Variants in TBCE observed in about 807,000 individuals in gnomAD.
TBCE encodes the protein tubulin folding cofactor E.
TBCE carries 53 observed loss-of-function variants against 77.0 expected under a neutral mutation model. The ratio of observed to expected loss-of-function variants is 0.69; its 90% CI spans 0.55 to 0.87. The LOEUF (loss-of-function observed/expected upper bound fraction) is 0.87. Ranked by LOEUF, TBCE falls within the 40% of genes least tolerant of loss-of-function variation. The pLI is 0.00. For synonymous variants in TBCE, 235 were observed against 241.3 expected (o/e 0.97, Z 0.24); for missense variants, 624 against 622.4 (o/e 1.00, Z -0.03).
rs189677991 is a variant in TBCE at position 235,442,056 on chromosome 1, G to C, written c.1339+174G>C. On this transcript the variant is annotated intron_variant, in intron 14 of 16. Transcript: ENST00000642610. ...AGAGTCTCCCTCTGTCTCCCAGGCT[G>C]GAGTGCAGTGGTGTGATCTCAGCTC... 3.0e-3 allele frequency among the ~76,000 whole-genome samples: 447 copies of C among 149,602 alleles called. 1 individual carries two copies. The highest frequency in any genetic ancestry group is 9.7e-3 in the African/African-American group (391 of 40,516).
intron 1 of TBCE, among the ~76,000 whole-genome samples, chr1:235,371,408 C>T (rs1336735916): frequency 2.0e-5 from 3 of 148,002 alleles, no homozygotes; most frequent in African/African-American, 5.0e-5. Context: ...CAGGGTCTCC[C>T]TCTGTCACCC....
At chr1:235,410,961 T>C (rs951933954) in intron 3 of TBCE, among the ~76,000 whole-genome samples, 10 of 152,218 alleles carry the variant, frequency 6.6e-5, no homozygotes, top group Non-Finnish European at 1.2e-4. Context: ...AGTAAGCTTA[T>C]CCTGCATTCC....
intron 13 of TBCE, 58 bp from the exon 14 acceptor site, chr1:235,441,756 T>G (rs1249105547): frequency 1.3e-6 from 2 of 1,511,538 alleles, no homozygotes; most frequent in Admixed American, 1.7e-5. Context: ...TTGTTTGTTT[T>G]GTTTTTACTT....
At chr1:235,433,326 T>A (rs1282329419) in intron 7 of TBCE, 1 of 366,498 alleles carries the variant, frequency 2.7e-6, no homozygotes, top group Non-Finnish European at 4.3e-6. Flanking sequence ...GCCAAAATGA[T>A]TCTCCTGCGT....
rs779998687 is a variant in TBCE, at chr1:235,414,634, A to G, written c.371+16A>G. On this transcript the variant is annotated intron_variant, in intron 4 of 16. Transcript: ENST00000642610. Reference sequence around the variant, plus strand: ...AACAGCAAAGGTAAGTGGAGTTTATAACGGCAGAGCTGACTTTTATGGTTT... The same window carrying G: ...AACAGCAAAGGTAAGTGGAGTTTATGACGGCAGAGCTGACTTTTATGGTTT... 3 of 1,612,516 alleles carry G rather than the reference A, an allele frequency of 1.9e-6. No individual in the cohort carries two copies. Among genetic ancestry groups the G allele is most frequent in the African/African-American group, 1.3e-5 (1 of 74,912 alleles).
chr1:235,372,214 C>T (rs537315040), intron 1 of TBCE, among the ~76,000 whole-genome samples: 15 of 152,186 alleles, frequency 9.9e-5, no homozygotes, highest in East Asian at 5.8e-4. Flanking sequence ...CACTCCACCT[C>T]GCCAGGCTAA....
intron 16 of TBCE, 85 bp downstream of exon 16, chr1:235,448,525 T>C: frequency 7.0e-7 from 1 of 1,436,788 alleles, no homozygotes; most frequent in Non-Finnish European, 9.8e-7. Context: ...AGCAACAGTT[T>C]GATTCTAAAT....
chr1:235,374,795 C>T (rs913750019), intron 1 of TBCE, among the ~76,000 whole-genome samples: 2 of 145,284 alleles, frequency 1.4e-5, no homozygotes, highest in Admixed American at 1.4e-4. Context: ...GCTACTGTGC[C>T]CAGCTGGCCT....
intron 13 of TBCE, among the ~76,000 whole-genome samples, chr1:235,440,295 T>G (rs1340035522): frequency 1.3e-5 from 2 of 150,230 alleles, no homozygotes; most frequent in East Asian, 4.0e-4. Flanking sequence ...TAAATGTAGG[T>G]TCTTCTCTTG....
chr1:235,448,569 G>C, intron 16 of TBCE, 101 bp from the exon 17 acceptor site: 1 of 1,370,484 alleles, frequency 7.3e-7, no homozygotes, highest in Non-Finnish European at 1.0e-6. Context: ...GATTTTAAGG[G>C]TAAGCTACTG....
intron 13 of TBCE, chr1:235,441,087 C>G (rs1051121062): frequency 7.2e-5 from 11 of 152,674 alleles, no homozygotes; most frequent in African/African-American, 1.7e-4. Flanking sequence ...TGGCCACGCT[C>G]GGTGAATTCT....
At chr1:235,434,141 T>G in intron 7 of TBCE, 63 bp from the exon 8 acceptor site, 2 of 1,466,424 alleles carry the variant, frequency 1.4e-6, no homozygotes, top group Non-Finnish European at 1.9e-6. Context: ...GTGGTTCCTA[T>G]GAACACCCGG....
chr1:235,413,554 T>C (rs1679932890), intron 3 of TBCE, among the ~76,000 whole-genome samples: 1 of 151,378 alleles, frequency 6.6e-6, no homozygotes, highest in South Asian at 2.1e-4. Flanking sequence ...TCCCAGCTAA[T>C]TGGGAGGCTG....
chr1:235,415,659 C>T (rs1368072508), intron 4 of TBCE: 2 of 152,014 alleles, frequency 1.3e-5, no homozygotes, highest in Non-Finnish European at 2.9e-5. Flanking sequence ...TAAAAGTGCA[C>T]ATGGGGACAA....
chr1:235,434,760 C>T (rs1313919970), intron 8 of TBCE, among the ~76,000 whole-genome samples: 1 of 151,772 alleles, frequency 6.6e-6, no homozygotes, highest in East Asian at 1.9e-4. Flanking sequence ...GTTTCACCAT[C>T]TTGGCCAGGC....
At chr1:235,391,302 C>A (rs541617633) in intron 2 of TBCE, among the ~76,000 whole-genome samples, 1 of 151,666 alleles carries the variant, frequency 6.6e-6, no homozygotes, top group East Asian at 2.0e-4. Flanking sequence ...GGCAACATGG[C>A]GAAACCCTGT....
In TBCE at chr1:235,450,428, T is replaced by C; in HGVS notation, c.*1666T>C. On this transcript the variant is annotated 3_prime_UTR_variant, in exon 17 of 17. Transcript: ENST00000642610. ...TATGCACGTAGACAGCTTTTATGTA[T>C]TCTAATGATGCTGAAATTATTTCAA... The C allele has an allele frequency of 7.0e-7, 1 of 1,433,310 alleles. No homozygotes were observed. Among genetic ancestry groups the C allele is most frequent in the African/African-American group, 1.4e-5 (1 of 70,888 alleles). The allele number at this position is 1,433,310 out of a possible 1,614,324, so 88.8% of individuals were successfully genotyped here.
At chr1:235,418,571 G>A (rs1332640993) in intron 4 of TBCE, 1 of 152,242 alleles carries the variant, frequency 6.6e-6, no homozygotes, top group Non-Finnish European at 1.5e-5. Flanking sequence ...TTTTACATGT[G>A]AGTGCGAGAA....
intron 4 of TBCE, among the ~76,000 whole-genome samples, chr1:235,418,216 C>T (rs1034023826): frequency 1.3e-5 from 2 of 152,132 alleles, no homozygotes; most frequent in African/African-American, 4.8e-5. Context: ...ATGTGTGCCA[C>T]GTTTTGTTTA....
Sources: allele counts gnomAD v4.1 joint callset (sites outside exome capture counted in the v4.1 genomes callset), GRCh38; gene constraint gnomAD v4.1.1; transcripts MANE v1.5; gene names NCBI Gene and HGNC (gene_info 2026-07-23, HGNC 2026-07-21).